The following LRRC37A2 variants were observed in gnomAD, a reference collection of about 807,000 sequenced individuals.
LRRC37A2 encodes the protein leucine-rich repeat-containing protein 37A2.
A neutral mutation model predicts 68.8 loss-of-function variants in LRRC37A2; 9 were observed. The ratio of observed to expected loss-of-function variants is 0.13; its 90% CI spans 0.08 to 0.23. The LOEUF (loss-of-function observed/expected upper bound fraction) is 0.23, where lower values mean the gene tolerates loss of function less well. Among genes scored for constraint, LRRC37A2 ranks in the 10% least tolerant of loss-of-function variants. The pLI, the probability that LRRC37A2 is intolerant of heterozygous loss-of-function variation, is 1.00. For missense variants in LRRC37A2, 168 were observed against 950.4 expected, an observed-to-expected ratio of 0.18 and a Z score of 10.82; for synonymous variants, 63 against 367.6, an observed-to-expected ratio of 0.17 and a Z score of 9.48.
Position 46,540,235 on chromosome 17 carries a change from C to CTT in LRRC37A2, c.2966_2967insTT (p.Leu990TyrfsTer2). 1 of 1,591,240 alleles carries CTT rather than the reference C, an allele frequency of 6.3e-7. No homozygotes were observed. Among genetic ancestry groups the CTT allele is most frequent in the South Asian group, 1.1e-5 (1 of 87,920 alleles). Reference sequence around the variant, plus strand: ...GATCCGTATCTCTTTAAATTGCCAGCATTAAAATATCTGTAAGTACTATAG... The same window carrying CTT: ...GATCCGTATCTCTTTAAATTGCCAGCTTATTAAAATATCTGTAAGTACTATAG... On this transcript the variant is annotated frameshift_variant, in exon 7 of 15. Coordinates refer to ENST00000576629, the Ensembl canonical transcript of LRRC37A2. LOFTEE classifies it high-confidence loss of function.
At chr17:46,986,901 T>G in the LRRC37A2 span, among the ~76,000 whole-genome samples, 1 of 126,328 alleles carries the variant, frequency 7.9e-6, no homozygotes, top group Non-Finnish European at 1.8e-5. Context: ...GGAAGGGCAG[T>G]CCCACAGAGG....
At chr17:46,830,680 T>C in the LRRC37A2 span, 1 of 398,660 alleles carries the variant, frequency 2.5e-6, no homozygotes, top group Non-Finnish European at 4.4e-6. Flanking sequence ...TGGTCAAAGG[T>C]TGGACTTTTG....
the LRRC37A2 span, chr17:46,936,529 T>C: frequency 2.0e-6 from 2 of 985,586 alleles, no homozygotes; most frequent in Non-Finnish European, 2.4e-6. Context: ...CCTCACACCC[T>C]GCCTCCGTCG....
the LRRC37A2 span, among the ~76,000 whole-genome samples, chr17:46,667,538 T>A: frequency 1.4e-5 from 2 of 143,432 alleles, no homozygotes; most frequent in Non-Finnish European, 3.1e-5. Flanking sequence ...TGCTCTCCAG[T>A]TTAAAGAAAA....
At chr17:46,994,151 G>A in the LRRC37A2 span, among the ~76,000 whole-genome samples, 29 of 152,234 alleles carry the variant, frequency 1.9e-4, no homozygotes, top group Non-Finnish European at 2.6e-4. Flanking sequence ...TTGGGAGGCC[G>A]AGGTAGGTGG....
At chr17:46,843,377 C>T in the LRRC37A2 span, among the ~76,000 whole-genome samples, 1 of 151,994 alleles carries the variant, frequency 6.6e-6, no homozygotes, top group South Asian at 2.1e-4. Flanking sequence ...TCCTTTCAAA[C>T]GTTTGTGTGA....
the LRRC37A2 span, among the ~76,000 whole-genome samples, chr17:46,745,980 C>G: frequency 6.6e-6 from 1 of 152,196 alleles, no homozygotes; most frequent in Non-Finnish European, 1.5e-5. Flanking sequence ...TCAACCTACT[C>G]ATTCCTTACG....
At chr17:46,760,633 CAAAAA>C in the LRRC37A2 span, among the ~76,000 whole-genome samples, 2 of 61,272 alleles carry the variant, frequency 3.3e-5, no homozygotes, top group East Asian at 4.9e-4. Flanking sequence ...GACCCTATCT[CAAAAA>C]AAAAAAAAAA....
At chr17:46,771,248 G>T in the LRRC37A2 span, among the ~76,000 whole-genome samples, 1 of 152,130 alleles carries the variant, frequency 6.6e-6, no homozygotes, top group Non-Finnish European at 1.5e-5. Context: ...TGCCAGGGCC[G>T]ACCGAGGACG....
the LRRC37A2 span, among the ~76,000 whole-genome samples, chr17:46,825,599 C>T: frequency 6.6e-6 from 1 of 152,272 alleles, no homozygotes; most frequent in Non-Finnish European, 1.5e-5. Flanking sequence ...TGGAGCAACT[C>T]TGTGTGCAGC....
At chr17:47,035,199 G>C in the LRRC37A2 span, 3 of 152,196 alleles carry the variant, frequency 2.0e-5, no homozygotes, top group Non-Finnish European at 2.9e-5. Flanking sequence ...GTATTATAAA[G>C]TGTACAATTC....
chr17:46,848,171 C>A, the LRRC37A2 span, among the ~76,000 whole-genome samples: 1 of 152,162 alleles, frequency 6.6e-6, no homozygotes, highest in African/African-American at 2.4e-5. Context: ...AATGTAGACA[C>A]CCATGGGGGA....
the LRRC37A2 span, among the ~76,000 whole-genome samples, chr17:47,013,165 G>A: frequency 5.9e-5 from 9 of 152,246 alleles, no homozygotes; most frequent in South Asian, 2.1e-4. Context: ...AATCCATAGA[G>A]ACAGAAAGTA....
chr17:47,019,670 A>G, the LRRC37A2 span: 2 of 1,401,112 alleles, frequency 1.4e-6, no homozygotes. Flanking sequence ...AGGCCTCCAC[A>G]AGCACCAACA....
the LRRC37A2 span, among the ~76,000 whole-genome samples, chr17:46,907,747 C>T: frequency 8.5e-4 from 123 of 145,052 alleles, 1 homozygote; most frequent in Admixed American, 1.8e-3. Context: ...AGCTACTCAG[C>T]GGGGGGGGTG....
At chr17:46,829,854 C>T in the LRRC37A2 span, among the ~76,000 whole-genome samples, 1 of 152,078 alleles carries the variant, frequency 6.6e-6, no homozygotes, top group African/African-American at 2.4e-5. Context: ...TCCTGGCTCC[C>T]TGCTGCTGAG....
the LRRC37A2 span, chr17:46,923,457 G>A: frequency 3.6e-6 from 5 of 1,404,350 alleles, no homozygotes; most frequent in Non-Finnish European, 4.6e-6. Context: ...GGGTCTGCAA[G>A]TTCGTGACTA....
At chr17:46,543,875 G>C (rs1420597820) in intron 8 of LRRC37A2, among the ~76,000 whole-genome samples, 2 of 149,592 alleles carry the variant, frequency 1.3e-5, no homozygotes, top group African/African-American at 5.1e-5. Flanking sequence ...CCAGCACTTT[G>C]GGAGGCCAAA....
At chr17:46,721,072 A>T in the LRRC37A2 span, among the ~76,000 whole-genome samples, 1 of 152,182 alleles carries the variant, frequency 6.6e-6, no homozygotes, top group Non-Finnish European at 1.5e-5. Context: ...TGAGCACCAC[A>T]TTCAGACCTG....
Sources: gnomAD v4.1 joint callset for allele counts (sites outside exome capture counted in the v4.1 genomes callset) on GRCh38, gnomAD v4.1.1 for gene constraint, MANE v1.5 for transcripts, NCBI Gene and HGNC (gene_info 2026-07-23, HGNC 2026-07-21) for gene names.